The following PLCL2 variants were observed in gnomAD, a reference collection of about 807,000 sequenced individuals.
The protein encoded by PLCL2 is phospholipase C like 2.
A neutral mutation model predicts 79.6 loss-of-function variants in PLCL2; 4 were observed. The observed-to-expected ratio is 0.05, with a 90% CI of 0.02 to 0.11. The LOEUF is 0.11. Among genes scored for constraint, PLCL2 ranks in the 10% least tolerant of loss-of-function variants. PLCL2 has a pLI of 1.00. For synonymous variants in PLCL2, 484 were observed against 457.7 expected (o/e 1.06, Z -0.73); for missense variants, 895 against 1,291.0 (o/e 0.69, Z 4.70).
chr3:17,078,121 G>C (rs2065125730), intron 5 of PLCL2, among the ~76,000 whole-genome samples: 1 of 152,156 alleles, frequency 6.6e-6, no homozygotes, highest in Non-Finnish European at 1.5e-5. Flanking sequence ...ACCTCCTCTT[G>C]TATTAAGTGT....
intron 1 of PLCL2, among the ~76,000 whole-genome samples, chr3:16,982,429 T>A (rs1194179709): frequency 6.6e-6 from 1 of 152,182 alleles, no homozygotes; most frequent in East Asian, 1.9e-4. Context: ...GTGGAGGAGA[T>A]GGTATCTGTC....
At chr3:17,012,306 GT>G in intron 2 of PLCL2, 146 bp downstream of exon 2, 2 of 688,392 alleles carry the variant, frequency 2.9e-6, no homozygotes, top group East Asian at 2.9e-5. Flanking sequence ...CCACTAGTCT[GT>G]TTTTTATCAT....
intron 1 of PLCL2, among the ~76,000 whole-genome samples, chr3:16,907,112 A>G (rs1696769689): frequency 6.6e-6 from 1 of 152,024 alleles, no homozygotes. Flanking sequence ...CCTCCTTTCT[A>G]CTTATATATT....
chr3:17,000,013 CTAAACTTCTTAGAGG>C (rs1160034925), intron 1 of PLCL2, among the ~76,000 whole-genome samples: 2 of 152,066 alleles, frequency 1.3e-5, no homozygotes, highest in Admixed American at 1.3e-4. Context: ...GGCCATGATT[CTAAACTTCTTAGAGG>C]AAGGGAGGTG....
intron 1 of PLCL2, among the ~76,000 whole-genome samples, chr3:16,917,113 C>T (rs987196746): frequency 1.3e-5 from 2 of 152,162 alleles, no homozygotes; most frequent in East Asian, 1.9e-4. Context: ...CCTTCACATC[C>T]GGATGTACAT....
chr3:17,070,406 T>G (rs1035343625), intron 5 of PLCL2, among the ~76,000 whole-genome samples: 1 of 152,224 alleles, frequency 6.6e-6, no homozygotes, highest in Non-Finnish European at 1.5e-5. Context: ...TACTTTCTTT[T>G]GAATTGTGTC....
intron 3 of PLCL2, among the ~76,000 whole-genome samples, chr3:17,036,138 G>A (rs2064651276): frequency 1.3e-5 from 2 of 152,038 alleles, no homozygotes; most frequent in South Asian, 2.1e-4. Flanking sequence ...GGCAGACCTC[G>A]GCCCCTGGAT....
At chr3:16,922,438 G>A (rs866241229) in intron 1 of PLCL2, among the ~76,000 whole-genome samples, 2 of 152,064 alleles carry the variant, frequency 1.3e-5, no homozygotes, top group African/African-American at 2.4e-5. Flanking sequence ...CTAAGATCTC[G>A]TAATTCCACC....
At chr3:17,075,391 C>G (rs1001722424) in intron 5 of PLCL2, among the ~76,000 whole-genome samples, 2 of 152,016 alleles carry the variant, frequency 1.3e-5, no homozygotes, top group Admixed American at 6.6e-5. Context: ...CCACCAATCA[C>G]AAATCACAAT....
rs73146993 is a variant in PLCL2, at chr3:16,953,919, T to A, written c.328-55755T>A. Among the ~76,000 whole-genome samples, 1,146 of 152,154 alleles carry A rather than the reference T, an allele frequency of 7.5e-3. 20 individuals carry two copies. Among genetic ancestry groups the A allele is most frequent in the African/African-American group, 0.026 (1,095 of 41,476 alleles). ...CCAGTGTAAATATTTCAATTTTGAG[T>A]TGATTTGATGTAATGTAACTGATGA... On this transcript the variant is annotated intron_variant, in intron 1 of 5. Coordinates refer to ENST00000615277, the MANE Select transcript of PLCL2 (RefSeq NM_001144382.2).
At chr3:17,049,337 G>A (rs2064815170) in intron 4 of PLCL2, among the ~76,000 whole-genome samples, 1 of 152,152 alleles carries the variant, frequency 6.6e-6, no homozygotes, top group South Asian at 2.1e-4. Context: ...CTGTCAACCA[G>A]CAGGCAGCAG....
Position 17,052,028 on chromosome 3 carries a change from CT to C in PLCL2, c.3094+9080del, listed in dbSNP as rs1352870055. On this transcript the variant is annotated intron_variant, in intron 4 of 5. Transcript: ENST00000615277. ...TGCTATATGGAAAGGATTATTAATG[CT>C]GTGGAAGAGAACCCCCAATAGAGAG... Among the ~76,000 whole-genome samples, 3 of 151,972 alleles carry C rather than the reference CT, an allele frequency of 2.0e-5. No homozygotes were observed. The East Asian group carries it at 5.8e-4, about 29-fold the overall frequency.
At position 17,089,975 on chromosome 3, in the gene PLCL2, C is replaced by T; in HGVS notation, c.*63C>T. The T allele has an allele frequency of 1.3e-6, 2 of 1,526,936 alleles. No individual in the cohort carries two copies. Among genetic ancestry groups the T allele is most frequent in the Admixed American group, 2.2e-5 (1 of 45,720 alleles). 94.6% of individuals were successfully genotyped at this position (1,526,936 alleles called of 1,614,324 possible). A position where few individuals can be genotyped will look rare whatever the true frequency, so the allele number is the denominator to read the frequency against. On this transcript the variant is annotated 3_prime_UTR_variant, in exon 6 of 6. Coordinates refer to ENST00000615277, the MANE Select transcript of PLCL2 (RefSeq NM_001144382.2). ...TAGGACCAATTGTAGTCAGATGGGA[C>T]ATTTGCTTTGCACTCACTAATGAGA...
At chr3:16,900,525 T>C (rs1251885148) in intron 1 of PLCL2, among the ~76,000 whole-genome samples, 1 of 152,214 alleles carries the variant, frequency 6.6e-6, no homozygotes, top group African/African-American at 2.4e-5. Flanking sequence ...ATTAGGATTA[T>C]TATCCTGATG....
intron 5 of PLCL2, among the ~76,000 whole-genome samples, chr3:17,085,618 T>C (rs1016063480): frequency 1.3e-5 from 2 of 151,726 alleles, no homozygotes; most frequent in African/African-American, 2.4e-5. Context: ...CCCGGCTAAT[T>C]TTTTGTATTT....
intron 4 of PLCL2, among the ~76,000 whole-genome samples, chr3:17,066,625 C>T (rs2065013641): frequency 6.6e-6 from 1 of 152,170 alleles, no homozygotes; most frequent in Admixed American, 6.5e-5. Context: ...TTAAACAATG[C>T]AACGTCCTTC....
intron 1 of PLCL2, among the ~76,000 whole-genome samples, chr3:17,008,537 G>A (rs2064285679): frequency 6.6e-6 from 1 of 152,000 alleles, no homozygotes; most frequent in Non-Finnish European, 1.5e-5. Flanking sequence ...CAGCCCCAGG[G>A]AGCTGGTTCC....
At chr3:17,050,796 T>C (rs2064831447) in intron 4 of PLCL2, among the ~76,000 whole-genome samples, 1 of 152,316 alleles carries the variant, frequency 6.6e-6, no homozygotes, top group East Asian at 1.9e-4. Flanking sequence ...CACTGCTGCA[T>C]GTATACCCAA....
intron 2 of PLCL2, among the ~76,000 whole-genome samples, chr3:17,013,829 G>A (rs568663316): frequency 6.6e-6 from 1 of 152,222 alleles, no homozygotes; most frequent in East Asian, 1.9e-4. Context: ...TCAAAGCATG[G>A]GCCTTAACAT....
Sources: gnomAD v4.1 joint callset for allele counts (sites outside exome capture counted in the v4.1 genomes callset) on GRCh38, gnomAD v4.1.1 for gene constraint, MANE v1.5 for transcripts, NCBI Gene and HGNC (gene_info 2026-07-23, HGNC 2026-07-21) for gene names.